Variants in SYT14 observed in about 807,000 individuals in gnomAD.
The protein encoded by SYT14 is synaptotagmin 14, also known as synaptotagmin-14.
SYT14 carries 32 observed loss-of-function variants against 74.2 expected under a neutral mutation model. That is an observed-to-expected ratio of 0.43 (90% confidence interval 0.33 to 0.58). SYT14 has a LOEUF of 0.58. Among genes scored for constraint, SYT14 ranks in the 20% least tolerant of loss-of-function variants. The pLI is 0.05. For synonymous variants in SYT14, 298 were observed against 337.7 expected, an observed-to-expected ratio of 0.88 and a Z score of 1.29; for missense variants, 791 against 981.8, an observed-to-expected ratio of 0.81 and a Z score of 2.60.
chr1:209,970,682 T>A (rs1211841299), intron 2 of SYT14, among the ~76,000 whole-genome samples: 4 of 69,006 alleles, frequency 5.8e-5, no homozygotes, highest in African/African-American at 1.9e-4. Context: ...TTTTTTTTTT[T>A]TTTTTTTTTT....
intron 7 of SYT14, among the ~76,000 whole-genome samples, chr1:210,143,105 A>G (rs1480289885): frequency 6.6e-6 from 1 of 152,158 alleles, no homozygotes; most frequent in African/African-American, 2.4e-5. Flanking sequence ...GTAGTAAGGA[A>G]GAGCCTATTT....
intron 2 of SYT14, among the ~76,000 whole-genome samples, chr1:210,006,296 G>A (rs1048112526): frequency 3.3e-5 from 5 of 151,794 alleles, no homozygotes; most frequent in Admixed American, 1.3e-4. Flanking sequence ...ACGAAAATTT[G>A]AGGGAAATTT....
Position 210,081,907 on chromosome 1 carries a change from G to A in SYT14, c.1313-12415G>A, listed in dbSNP as rs550335031. Among the ~76,000 whole-genome samples the A allele has an allele frequency of 6.0e-4, 91 of 152,288 alleles. 1 individual carries two copies. The highest frequency in any genetic ancestry group is 6.6e-4 in the Non-Finnish European group (45 of 68,024). On this transcript the variant is annotated intron_variant, in intron 5 of 9. Transcript: ENST00000637265. ...AAACATCTAGACAGTCTTGATTAAA[G>A]ATGAATATGATTAAGCATAGGAATT...
chr1:210,045,809 AG>A (rs2080873622), intron 5 of SYT14, among the ~76,000 whole-genome samples: 1 of 152,238 alleles, frequency 6.6e-6, no homozygotes, highest in East Asian at 1.9e-4. Flanking sequence ...TTTCTATTCT[AG>A]GTATAATATT....
intron 6 of SYT14, among the ~76,000 whole-genome samples, chr1:210,096,650 C>A (rs1316243136): frequency 6.6e-6 from 1 of 152,188 alleles, no homozygotes; most frequent in Non-Finnish European, 1.5e-5. Flanking sequence ...CAACAGCACA[C>A]ACTTGTTTGC....
chr1:210,121,622 G>T (rs1435978416), intron 7 of SYT14, among the ~76,000 whole-genome samples: 1 of 151,922 alleles, frequency 6.6e-6, no homozygotes, highest in African/African-American at 2.4e-5. Context: ...GTGAAACTCT[G>T]TCTCTACTAA....
chr1:210,075,563 G>A (rs1225607394), intron 5 of SYT14, among the ~76,000 whole-genome samples: 1 of 149,722 alleles, frequency 6.7e-6, no homozygotes, highest in Non-Finnish European at 1.5e-5. Flanking sequence ...TCCAACTCCT[G>A]ACCTCGTGAT....
chr1:210,162,340 G>T (rs772475094), exon 10 of SYT14: 1 of 445,622 alleles, frequency 2.2e-6, no homozygotes, highest in South Asian at 1.6e-5. Flanking sequence ...AGTGTCGCAA[G>T]ATCTTTATTT....
At chr1:210,032,771 C>G (rs945112466) in intron 5 of SYT14, among the ~76,000 whole-genome samples, 2 of 151,518 alleles carry the variant, frequency 1.3e-5, no homozygotes, top group Admixed American at 6.6e-5. Flanking sequence ...ACTATGAAGA[C>G]AATAATTAGA....
At position 210,121,726 on chromosome 1, in the gene SYT14, A is replaced by G. The variant is rs545430516; in HGVS notation, c.2034+21265A>G. Among the ~76,000 whole-genome samples, 1,092 of 151,698 alleles carry G rather than the reference A, an allele frequency of 7.2e-3. 17 individuals carry two copies. Among genetic ancestry groups the G allele is most frequent in the South Asian group, 0.033 (156 of 4,772 alleles). On this transcript the variant is annotated intron_variant, in intron 7 of 9. Transcript: ENST00000637265. Reference sequence around the variant, plus strand: ...GGAGAATGGCGTGAACCCAGGAGGCAGAGCTTGCAGTGAGCCAAGATCGCA... The same window carrying G: ...GGAGAATGGCGTGAACCCAGGAGGCGGAGCTTGCAGTGAGCCAAGATCGCA...
chr1:209,984,137 G>C (rs1049993750), intron 2 of SYT14, among the ~76,000 whole-genome samples: 10 of 152,190 alleles, frequency 6.6e-5, no homozygotes, highest in South Asian at 2.1e-4. Context: ...CTGTTCTTCA[G>C]GGAAATGCCA....
intron 2 of SYT14, chr1:209,966,041 T>C (rs2079152474): frequency 4.8e-6 from 2 of 415,852 alleles, no homozygotes; most frequent in Non-Finnish European, 9.5e-6. Flanking sequence ...CCAGCTAATT[T>C]TGGTATTTTT....
At chr1:210,111,913 G>A (rs1322169045) in intron 7 of SYT14, among the ~76,000 whole-genome samples, 1 of 151,162 alleles carries the variant, frequency 6.6e-6, no homozygotes. Flanking sequence ...GTGAGGTGAG[G>A]TGTGTTTTTA....
chr1:210,093,257 AGAACAGAG>A (rs1467474975), intron 5 of SYT14, among the ~76,000 whole-genome samples: 1 of 152,178 alleles, frequency 6.6e-6, no homozygotes, highest in Non-Finnish European at 1.5e-5. Flanking sequence ...TATCTTAGGA[AGAACAGAG>A]GAACTATTGA....
chr1:209,942,359 T>TCCC (rs2078746976), intron 1 of SYT14, among the ~76,000 whole-genome samples: 4 of 65,378 alleles, frequency 6.1e-5, no homozygotes, highest in African/African-American at 3.4e-4. Context: ...CATGCAAATT[T>TCCC]ACCCCCCCCC....
chr1:210,150,078 G>A (rs1474445988), intron 7 of SYT14, among the ~76,000 whole-genome samples: 2 of 152,164 alleles, frequency 1.3e-5, no homozygotes, highest in Admixed American at 6.5e-5. Flanking sequence ...AATCTCATGG[G>A]CTCTAAGCAG....
chr1:210,074,994 T>G (rs1209361984), intron 5 of SYT14, among the ~76,000 whole-genome samples: 1 of 152,218 alleles, frequency 6.6e-6, no homozygotes, highest in East Asian at 1.9e-4. Flanking sequence ...AGAATCAGAT[T>G]ACACGTGGGC....
chr1:210,158,609 A>C (rs1160484912), intron 8 of SYT14, among the ~76,000 whole-genome samples: 1 of 152,218 alleles, frequency 6.6e-6, no homozygotes, highest in African/African-American at 2.4e-5. Context: ...GTTGGATAAT[A>C]AACAGATGAC....
chr1:210,090,987 A>G (rs1039821432), intron 5 of SYT14, among the ~76,000 whole-genome samples: 2 of 152,200 alleles, frequency 1.3e-5, no homozygotes. Context: ...TGGTAATACT[A>G]TTTTCAAAAC....
Sources: allele counts gnomAD v4.1 joint callset (sites outside exome capture counted in the v4.1 genomes callset), GRCh38; gene constraint gnomAD v4.1.1; transcripts MANE v1.5; gene names NCBI Gene and HGNC (gene_info 2026-07-23, HGNC 2026-07-21).